The following SUV39H1 variants were observed in gnomAD, a reference collection of about 807,000 sequenced individuals.
SUV39H1 encodes the protein SUV39H1 histone lysine methyltransferase, also known as histone-lysine N-methyltransferase SUV39H1.
For missense variants in SUV39H1, 180 were observed against 386.3 expected, an observed-to-expected ratio of 0.47 and a Z score of 4.48; for synonymous variants, 141 against 150.5, an observed-to-expected ratio of 0.94 and a Z score of 0.46.
In SUV39H1 at chrX:48,700,555, G is replaced by C; in HGVS notation, c.630G>C (p.Gln210His). The change falls in exon 3 of 6, where the codon CAG becomes CAC. Residue 210 changes from glutamine (Q) to histidine (H), a missense_variant. Physicochemically the swap from Gln to His is conservative, Grantham distance 24. Transcript: ENST00000376687. Reference sequence around the variant, plus strand: ...AGTTTGCCTACAATGACCAGGGCCAGGTGCGGCTTCGAGCCGGGCTGCCCA... The same window carrying C: ...AGTTTGCCTACAATGACCAGGGCCACGTGCGGCTTCGAGCCGGGCTGCCCA... ...LHKFAYNDQG[Q>H]VRLRAGLPIY... is the part of the protein sequence containing the mutation. 1 of 1,212,404 alleles carries C rather than the reference G, an allele frequency of 8.2e-7. No homozygotes were observed. The highest frequency in any genetic ancestry group is 1.1e-6 in the Non-Finnish European group (1 of 895,651).
chrX:48,705,009 G>A (rs1176428902), intron 3 of SUV39H1, among the ~76,000 whole-genome samples: 1 of 112,226 alleles, frequency 8.9e-6, no homozygotes, highest in Non-Finnish European at 1.9e-5. Context: ...CCCGAGGCAG[G>A]GTAAATCTTG....
At chrX:48,702,032 G>A (rs181858909) in intron 3 of SUV39H1, among the ~76,000 whole-genome samples, 7 of 111,758 alleles carry the variant, frequency 6.3e-5, no homozygotes, top group African/African-American at 9.8e-5. Flanking sequence ...ATCTGACAGG[G>A]ACAGAGACAA....
intron 3 of SUV39H1, among the ~76,000 whole-genome samples, chrX:48,702,885 A>G (rs368193249): frequency 4.1e-4 from 46 of 111,387 alleles, no homozygotes; most frequent in African/African-American, 1.5e-3. Context: ...GAAAGAGCCA[A>G]ACTCATCTTC....
chrX:48,698,387 G>T (rs1031401873), intron 1 of SUV39H1, among the ~76,000 whole-genome samples: 2 of 111,446 alleles, frequency 1.8e-5, no homozygotes, highest in Non-Finnish European at 3.8e-5. Flanking sequence ...AAAAAATTTT[G>T]AATTCCAAAA....
chrX:48,702,669 C>T (rs1557009571), intron 3 of SUV39H1, among the ~76,000 whole-genome samples: 1 of 111,127 alleles, frequency 9.0e-6, no homozygotes, highest in Non-Finnish European at 1.9e-5. Context: ...AGGAAGACTA[C>T]ACCCCAAGGG....
upstream of SUV39H1, among the ~76,000 whole-genome samples, chrX:48,696,123 G>A (rs1453839008): frequency 5.3e-5 from 6 of 113,066 alleles, no homozygotes; most frequent in Admixed American, 1.9e-4. Flanking sequence ...AATCGCAGCT[G>A]GTCCCAGGGC....
chrX:48,696,373 C>T (rs2062454927), upstream of SUV39H1, among the ~76,000 whole-genome samples: 1 of 112,021 alleles, frequency 8.9e-6, no homozygotes, highest in South Asian at 3.7e-4. Context: ...CACTAGTCCA[C>T]CTGGGAGCCC....
chrX:48,698,800 TAGTC>T (rs781909307), intron 1 of SUV39H1, 98 bp from the exon 2 acceptor site: 22 of 992,460 alleles, frequency 2.2e-5, no homozygotes, highest in Middle Eastern at 3.9e-4. Context: ...CCCTGACTCT[TAGTC>T]AGTCTTTGGG....
rs782632557 is a variant in SUV39H1 at position 48,707,954 on chromosome X, C to G, written c.*384C>G. 5 of 263,549 alleles carry G rather than the reference C, an allele frequency of 1.9e-5. No individual in the cohort carries two copies. Among genetic ancestry groups the G allele is most frequent in the Admixed American group, 1.4e-4 (3 of 22,195 alleles). The allele number at this position is 263,549 out of a possible 1,213,427, so 21.7% of individuals were successfully genotyped here. A position where few individuals can be genotyped will look rare whatever the true frequency, so the allele number is the denominator to read the frequency against. On this transcript the variant is annotated 3_prime_UTR_variant, in exon 6 of 6. Coordinates refer to ENST00000376687, the MANE Select transcript of SUV39H1 (RefSeq NM_003173.4). The stretch of plus-strand genomic sequence containing the variant: ...GGAGATTGAGGGGTCTGCTGCAGGC[C>G]TCCTCCCTGCTGCCCCAAAGGTATG...
In SUV39H1 at chrX:48,708,298, G is replaced by C. The variant is rs1557010493; in HGVS notation, c.*728G>C. On this transcript the variant is annotated 3_prime_UTR_variant, in exon 6 of 6. Transcript: ENST00000376687. ...AGCCCTGGAGGTAGGCTGGGACCAAGCTCTGCCTTCACAGTGCAGTGAAGG... is the reference window on the plus strand; with the variant it reads ...AGCCCTGGAGGTAGGCTGGGACCAACCTCTGCCTTCACAGTGCAGTGAAGG... The C allele has an allele frequency of 8.5e-6, 1 of 117,980 alleles. No homozygotes were observed. The highest frequency in any genetic ancestry group is 3.2e-5 in the African/African-American group (1 of 30,880). 9.7% of individuals were successfully genotyped at this position (117,980 alleles called of 1,213,427 possible).
At chrX:48,696,626 G>A (rs1557008620), upstream of SUV39H1, 29 of 687,626 alleles carry the variant, frequency 4.2e-5, no homozygotes, top group Non-Finnish European at 1.2e-5. Flanking sequence ...GACCGAGCCG[G>A]GCGGCAGGGA....
intron 1 of SUV39H1, among the ~76,000 whole-genome samples, chrX:48,698,492 C>T (rs2062463655): frequency 9.0e-6 from 1 of 111,415 alleles, no homozygotes; most frequent in Admixed American, 9.5e-5. Context: ...TCTTGTCCTC[C>T]CATCCGCCCC....
chrX:48,707,445 G>A lies in SUV39H1; in HGVS notation c.1114G>A (p.Val372Met). The change falls in exon 6 of 6, where the codon GTG becomes ATG. Residue 372 changes from valine to methionine, a missense_variant. Transcript: ENST00000376687. ...TGGCTGTGACTCCACAGTGGACCCC[G>A]TGGACATGGAGAGCACCCGCATGGA... ...TFDYNMQVDP[V>M]DMESTRMDSN... 9.6e-7 allele frequency: 1 copy of A among 1,040,715 alleles called. No homozygotes were observed. Among genetic ancestry groups the A allele is most frequent in the South Asian group, 1.8e-5 (1 of 54,790 alleles). 85.8% of individuals were successfully genotyped at this position (1,040,715 alleles called of 1,213,427 possible). A position where few individuals can be genotyped will look rare whatever the true frequency, so the allele number is the denominator to read the frequency against.
rs1468621873 is a variant in SUV39H1, at chrX:48,698,888, C to T, written c.20-14C>T. The T allele has an allele frequency of 3.2e-5, 38 of 1,203,337 alleles. No individual in the cohort carries two copies. The highest frequency in any genetic ancestry group is 4.0e-5 in the Non-Finnish European group (36 of 892,359). On this transcript the variant is annotated splice_polypyrimidine_tract_variant and intron_variant, in intron 1 of 5. Coordinates refer to ENST00000376687, the MANE Select transcript of SUV39H1 (RefSeq NM_003173.4). ...GCTGCCCAGTAATAGTTCTTTCTGC[C>T]CCGCTTGATCCAGGCTGCAGCGTGT...
chrX:48,696,878 GGGCCCCGGCGTCCGA>G, intron 1 of SUV39H1, 75 bp downstream of exon 1: 17 of 855,536 alleles, frequency 2.0e-5, no homozygotes, highest in South Asian at 4.0e-5. Context: ...TGCCGGCTCG[GGGCCCCGGCGTCCGA>G]GGCCCCGGCG....
chrX:48,705,964 G>A (rs1305131328), intron 3 of SUV39H1, among the ~76,000 whole-genome samples: 3 of 112,930 alleles, frequency 2.7e-5, no homozygotes, highest in Non-Finnish European at 5.6e-5. Flanking sequence ...GGGGTTCTTG[G>A]GCAGCTCTTG....
chrX:48,697,714 G>A (rs1393362478), intron 1 of SUV39H1, among the ~76,000 whole-genome samples: 1 of 111,657 alleles, frequency 9.0e-6, no homozygotes, highest in Non-Finnish European at 1.9e-5. Context: ...GCAATGGGAG[G>A]CAGAAAATAT....
chrX:48,703,844 C>T (rs998426518), intron 3 of SUV39H1, among the ~76,000 whole-genome samples: 1 of 111,401 alleles, frequency 9.0e-6, no homozygotes, highest in Admixed American at 9.6e-5. Flanking sequence ...CTGTCATTCC[C>T]ATTCTGCAGA....
intron 3 of SUV39H1, among the ~76,000 whole-genome samples, chrX:48,704,772 A>T (rs1557009858): frequency 2.7e-5 from 3 of 111,381 alleles, no homozygotes; most frequent in African/African-American, 9.8e-5. Flanking sequence ...TCTCTCTGTG[A>T]CCAGACTTTG....
Sources: allele counts gnomAD v4.1 joint callset (sites outside exome capture counted in the v4.1 genomes callset), GRCh38; gene constraint gnomAD v4.1.1; transcripts MANE v1.5; gene names NCBI Gene and HGNC (gene_info 2026-07-23, HGNC 2026-07-21).